Variants in MACROD2 observed in about 807,000 individuals in gnomAD.
The protein encoded by MACROD2 is mono-ADP ribosylhydrolase 2, also known as ADP-ribose glycohydrolase MACROD2.
Under a neutral mutation model 70.4 loss-of-function variants are expected in MACROD2, and 36 were observed. The observed-to-expected ratio is 0.51, with a 90% CI of 0.39 to 0.68. The LOEUF (loss-of-function observed/expected upper bound fraction) is 0.68, where lower values mean the gene tolerates loss of function less well. MACROD2 is among the 30% of genes least tolerant of loss of function. The pLI, the probability that MACROD2 is intolerant of heterozygous loss-of-function variation, is 0.00. For synonymous variants in MACROD2, 172 were observed against 178.8 expected, an observed-to-expected ratio of 0.96 and a Z score of 0.30; for missense variants, 496 against 538.4, an observed-to-expected ratio of 0.92 and a Z score of 0.78.
At chr20:15,382,048 G>T (rs573834596) in intron 6 of MACROD2, among the ~76,000 whole-genome samples, 1 of 152,148 alleles carries the variant, frequency 6.6e-6, no homozygotes, top group Non-Finnish European at 1.5e-5. Flanking sequence ...GCTTTGAACC[G>T]CTGAAAGAGG....
rs750364766 is a variant in MACROD2, at chr20:15,389,790, C to T, written c.541-41615C>T. 2.0e-5 allele frequency among the ~76,000 whole-genome samples: 3 copies of T among 152,236 alleles called. No individual in the cohort carries two copies. In the South Asian group the frequency reaches 6.2e-4, roughly 32 times the overall value. On this transcript the variant is annotated intron_variant, in intron 6 of 17. Coordinates refer to ENST00000684519, the MANE Select transcript of MACROD2 (RefSeq NM_001351661.2). ...GCCCCAAGGCAAGATGAAGCAATAC[C>T]GTTAATTATCTCTTAAATATATATC...
intron 5 of MACROD2, among the ~76,000 whole-genome samples, chr20:14,772,839 T>A (rs2072186662): frequency 6.6e-6 from 1 of 152,132 alleles, no homozygotes; most frequent in African/African-American, 2.4e-5. Flanking sequence ...AAAGATTGTA[T>A]TCCAGTTTCT....
At chr20:14,954,855 G>C (rs182761057) in intron 5 of MACROD2, among the ~76,000 whole-genome samples, 63 of 75,038 alleles carry the variant, frequency 8.4e-4, no homozygotes, top group South Asian at 3.4e-3. Context: ...TATATTATAT[G>C]TAATTAAATA....
intron 3 of MACROD2, among the ~76,000 whole-genome samples, chr20:14,213,997 C>T (rs1476519805): frequency 2.0e-5 from 3 of 151,946 alleles, no homozygotes; most frequent in Non-Finnish European, 2.9e-5. Context: ...ATTTTGTGCA[C>T]CTACTTGCCT....
intron 17 of MACROD2, 52 bp from the exon 18 acceptor site, chr20:16,049,778 C>T: frequency 5.7e-6 from 9 of 1,584,174 alleles, no homozygotes; most frequent in Non-Finnish European, 7.8e-6. Flanking sequence ...CTTGCTAAGC[C>T]TGTGAAGATG....
intron 5 of MACROD2, among the ~76,000 whole-genome samples, chr20:15,074,294 C>T (rs1419676178): frequency 6.6e-6 from 1 of 152,060 alleles, no homozygotes; most frequent in East Asian, 1.9e-4. Context: ...CAACAGTGGC[C>T]AATAATTTAA....
At chr20:14,961,680 G>A (rs1232662778) in intron 5 of MACROD2, among the ~76,000 whole-genome samples, 1 of 151,984 alleles carries the variant, frequency 6.6e-6, no homozygotes, top group Non-Finnish European at 1.5e-5. Context: ...GCCTCCCAAA[G>A]TGCAAGGATT....
intron 3 of MACROD2, among the ~76,000 whole-genome samples, chr20:14,396,989 C>CT (rs372145747): frequency 0.88 from 85,811 of 96,962 alleles, 38,450 homozygotes; most frequent in South Asian, 0.95. Flanking sequence ...AGACCATTTA[C>CT]TTTTTTTTTT....
chr20:15,860,506 G>A (rs1035005288), intron 8 of MACROD2, among the ~76,000 whole-genome samples: 1 of 152,108 alleles, frequency 6.6e-6, no homozygotes, highest in Non-Finnish European at 1.5e-5. Context: ...GTTCAATGTG[G>A]CTTGAGAGTC....
intron 5 of MACROD2, among the ~76,000 whole-genome samples, chr20:15,066,359 C>T (rs1458524181): frequency 6.6e-6 from 1 of 151,492 alleles, no homozygotes; most frequent in Non-Finnish European, 1.5e-5. Flanking sequence ...GTCTCGAACT[C>T]CCGACCTCAG....
At chr20:15,531,953 T>C (rs2047808647) in intron 8 of MACROD2, among the ~76,000 whole-genome samples, 6 of 152,190 alleles carry the variant, frequency 3.9e-5, no homozygotes, top group Admixed American at 3.9e-4. Context: ...TTTTGCAAAT[T>C]ACTCTTTTAT....
chr20:15,986,983 A>C (rs909176505), intron 14 of MACROD2, 83 bp from the exon 15 acceptor site: 13 of 1,301,424 alleles, frequency 1.0e-5, no homozygotes, highest in Non-Finnish European at 1.1e-5. Flanking sequence ...AAGAACTCTA[A>C]CTTTCTATAC....
chr20:15,027,582 A>G (rs2075242295), intron 5 of MACROD2, among the ~76,000 whole-genome samples: 1 of 151,964 alleles, frequency 6.6e-6, no homozygotes, highest in Admixed American at 6.6e-5. Flanking sequence ...TCTATTTGTG[A>G]AAAAAGTTTA....
At chr20:14,414,011 A>G (rs542907842) in intron 3 of MACROD2, among the ~76,000 whole-genome samples, 1 of 152,272 alleles carries the variant, frequency 6.6e-6, no homozygotes, top group South Asian at 2.1e-4. Flanking sequence ...AGATGACACT[A>G]ACCAGCATTT....
chr20:15,131,410 T>C (rs1415372465), intron 5 of MACROD2, among the ~76,000 whole-genome samples: 1 of 152,072 alleles, frequency 6.6e-6, no homozygotes, highest in Admixed American at 6.6e-5. Flanking sequence ...TTTTCAGGAT[T>C]TGGTGAGAAA....
intron 4 of MACROD2, among the ~76,000 whole-genome samples, chr20:14,611,875 C>A (rs1983194869): frequency 6.6e-6 from 1 of 152,082 alleles, no homozygotes; most frequent in South Asian, 2.1e-4. Flanking sequence ...CTTAAATTTG[C>A]AACCTTTTAA....
At chr20:15,026,611 A>G (rs1344091146) in intron 5 of MACROD2, among the ~76,000 whole-genome samples, 1 of 152,070 alleles carries the variant, frequency 6.6e-6, no homozygotes, top group East Asian at 1.9e-4. Flanking sequence ...CAATGGATCA[A>G]TTGCCTGCAT....
intron 10 of MACROD2, among the ~76,000 whole-genome samples, chr20:15,902,492 A>G (rs1017579868): frequency 6.6e-6 from 1 of 152,174 alleles, no homozygotes; most frequent in Non-Finnish European, 1.5e-5. Flanking sequence ...TCAACCAACG[A>G]TAAGCAATTA....
At chr20:14,780,419 G>A (rs768588515) in intron 5 of MACROD2, among the ~76,000 whole-genome samples, 6 of 151,722 alleles carry the variant, frequency 4.0e-5, no homozygotes, top group Non-Finnish European at 5.9e-5. Flanking sequence ...AAACTTAGTC[G>A]GGCGTGGTGA....
Sources: gnomAD v4.1 joint callset for allele counts (sites outside exome capture counted in the v4.1 genomes callset) on GRCh38, gnomAD v4.1.1 for gene constraint, MANE v1.5 for transcripts, NCBI Gene and HGNC (gene_info 2026-07-23, HGNC 2026-07-21) for gene names.